Variants in CCDC171 observed in about 807,000 individuals in gnomAD.
CCDC171 encodes the protein coiled-coil domain containing 171, also known as coiled-coil domain-containing protein 171.
In CCDC171, 177 loss-of-function variants were observed where a neutral mutation model predicts 168.2. The ratio of observed to expected loss-of-function variants is 1.05; its 90% confidence interval spans 0.93 to 1.19. The LOEUF is 1.19. CCDC171 is among the 50% of genes most tolerant of loss of function. The probability of loss-of-function intolerance (pLI) is 0.00; values close to 1 mark genes in which losing one functional copy is unlikely to be tolerated. For missense variants in CCDC171, 1,991 were observed against 1,539.0 expected, an observed-to-expected ratio of 1.29 and a Z score of -4.91; for synonymous variants, 687 against 540.8, an observed-to-expected ratio of 1.27 and a Z score of -3.75.
chr9:15,668,658 A>G (rs900495002), intron 9 of CCDC171, among the ~76,000 whole-genome samples: 2 of 152,128 alleles, frequency 1.3e-5, no homozygotes, highest in African/African-American at 4.8e-5. Flanking sequence ...TTTTCCGTGT[A>G]TGTGAAATGA....
intron 25 of CCDC171, among the ~76,000 whole-genome samples, chr9:15,925,681 T>C (rs189451364): frequency 1.4e-4 from 21 of 151,752 alleles, no homozygotes; most frequent in African/African-American, 2.4e-4. Flanking sequence ...CATTTACTGA[T>C]AAAGAAAACA....
intron 25 of CCDC171, among the ~76,000 whole-genome samples, chr9:15,922,976 A>G (rs1251229729): frequency 3.3e-5 from 5 of 151,502 alleles, no homozygotes; most frequent in Admixed American, 6.6e-5. Context: ...TGTCACATGT[A>G]TAGCTTGCAA....
intron 3 of CCDC171, among the ~76,000 whole-genome samples, chr9:15,573,369 G>T (rs1489713061): frequency 6.6e-6 from 1 of 152,112 alleles, no homozygotes; most frequent in East Asian, 1.9e-4. Flanking sequence ...ACTGCCTCCA[G>T]GTTCAAGTGA....
chr9:15,642,933 A>G (rs2046756044), intron 7 of CCDC171, among the ~76,000 whole-genome samples: 1 of 152,164 alleles, frequency 6.6e-6, no homozygotes, highest in Non-Finnish European at 1.5e-5. Flanking sequence ...GAATCACTGA[A>G]TATTCTGCAT....
chr9:15,709,901 G>C (rs2052530610), intron 11 of CCDC171, among the ~76,000 whole-genome samples: 1 of 151,978 alleles, frequency 6.6e-6, no homozygotes. Flanking sequence ...AACAAAATCT[G>C]TTGCCCTCAT....
intron 4 of CCDC171, among the ~76,000 whole-genome samples, chr9:15,580,904 C>T (rs1338129800): frequency 2.0e-5 from 3 of 152,068 alleles, no homozygotes; most frequent in Non-Finnish European, 4.4e-5. Flanking sequence ...CACTCCTAGT[C>T]AACATAGTAT....
chr9:15,935,086 G>T (rs552107667), intron 25 of CCDC171, among the ~76,000 whole-genome samples: 1 of 152,222 alleles, frequency 6.6e-6, no homozygotes, highest in East Asian at 1.9e-4. Context: ...CTACATGGTG[G>T]TGATGGTGGC....
chr9:15,618,603 C>T (rs929717314), intron 6 of CCDC171, among the ~76,000 whole-genome samples: 2 of 152,196 alleles, frequency 1.3e-5, no homozygotes, highest in Non-Finnish European at 2.9e-5. Flanking sequence ...TCTGCCCAAA[C>T]AGCCGCCCAG....
intron 3 of CCDC171, among the ~76,000 whole-genome samples, chr9:16,017,216 G>T (rs1345269768): frequency 6.6e-6 from 1 of 151,992 alleles, no homozygotes; most frequent in Non-Finnish European, 1.5e-5. Flanking sequence ...CCTTTATCCA[G>T]AAAATACTAT....
chr9:15,737,159 C>G (rs974513755), intron 16 of CCDC171, among the ~76,000 whole-genome samples: 1 of 151,542 alleles, frequency 6.6e-6, no homozygotes, highest in African/African-American at 2.4e-5. Context: ...ATAATTTTTA[C>G]ATAATTTAGT....
intron 21 of CCDC171, among the ~76,000 whole-genome samples, chr9:15,787,096 A>G (rs549596711): frequency 4.0e-5 from 6 of 151,640 alleles, no homozygotes; most frequent in Non-Finnish European, 7.4e-5. Context: ...TTGGATGTAT[A>G]TTTTTTCTTT....
At chr9:15,806,091 C>T (rs1328375997) in intron 21 of CCDC171, among the ~76,000 whole-genome samples, 2 of 151,912 alleles carry the variant, frequency 1.3e-5, no homozygotes, top group African/African-American at 2.4e-5. Context: ...GCTTGGTAAA[C>T]GTTTCTCCAT....
At chr9:16,054,371 C>T (rs1293589609) in intron 1 of CCDC171, among the ~76,000 whole-genome samples, 1 of 152,174 alleles carries the variant, frequency 6.6e-6, no homozygotes, top group East Asian at 1.9e-4. Flanking sequence ...TCCGCAGCTG[C>T]ATGGAGTAGT....
intron 3 of CCDC171, among the ~76,000 whole-genome samples, chr9:15,979,352 A>G (rs1831721947): frequency 6.6e-6 from 1 of 152,192 alleles, no homozygotes; most frequent in African/African-American, 2.4e-5. Context: ...GAGTGAACAT[A>G]CTTGTCATGT....
chr9:15,954,750 G>T (rs1829610952), intron 25 of CCDC171, among the ~76,000 whole-genome samples: 1 of 151,642 alleles, frequency 6.6e-6, no homozygotes, highest in South Asian at 2.1e-4. Context: ...TTCAGCTCCA[G>T]AATTTCTTTT....
rs114680084 is a variant in CCDC171, at chr9:15,777,751, G to C, written c.2823G>C (p.Gln941His). 1.2e-6 allele frequency: 2 copies of C among 1,614,088 alleles called. No homozygotes were observed. The highest frequency in any genetic ancestry group is 1.7e-6 in the Non-Finnish European group (2 of 1,180,022). Residue 941 changes from glutamine to histidine, a missense_variant, in exon 19 of 26, where the codon CAG becomes CAC. Gln to His is a conservative substitution (Grantham distance 24). Coordinates refer to ENST00000380701, the MANE Select transcript of CCDC171 (RefSeq NM_173550.4). ...ITYVEKDSLV[Q>H]RLAHGLHKVN... Reference sequence around the variant, plus strand: ...ATGTAGAAAAAGATTCCCTGGTTCAGAGGCTGGCCCATGGACTTCATAAAG... The same window carrying C: ...ATGTAGAAAAAGATTCCCTGGTTCACAGGCTGGCCCATGGACTTCATAAAG...
chr9:15,802,806 G>T (rs1026792520), intron 21 of CCDC171, among the ~76,000 whole-genome samples: 1 of 152,024 alleles, frequency 6.6e-6, no homozygotes, highest in Non-Finnish European at 1.5e-5. Flanking sequence ...TGGTATTTCT[G>T]GTTCTTGGTC....
chr9:15,624,121 C>CTG (rs766657093), intron 7 of CCDC171, among the ~76,000 whole-genome samples: 1 of 152,060 alleles, frequency 6.6e-6, no homozygotes, highest in Non-Finnish European at 1.5e-5. Context: ...ATTAAACTCA[C>CTG]TGTGTCACTT....
At chr9:16,060,325 G>A (rs1248706923) in intron 1 of CCDC171, among the ~76,000 whole-genome samples, 2 of 152,142 alleles carry the variant, frequency 1.3e-5, no homozygotes, top group East Asian at 1.9e-4. Context: ...AGCGATGACC[G>A]TGAGGGTCTT....
Sources: allele counts gnomAD v4.1 joint callset (sites outside exome capture counted in the v4.1 genomes callset), GRCh38; gene constraint gnomAD v4.1.1; transcripts MANE v1.5; gene names NCBI Gene and HGNC (gene_info 2026-07-23, HGNC 2026-07-21).